Variants in KCNH7 observed in about 807,000 individuals in gnomAD.
KCNH7 encodes potassium voltage-gated channel subfamily H member 7.
Under a neutral mutation model 120.8 loss-of-function variants are expected in KCNH7, and 49 were observed. That is an observed-to-expected ratio of 0.41 (90% CI 0.32 to 0.51). KCNH7 has a LOEUF of 0.51. KCNH7 is among the 20% of genes least tolerant of loss of function. KCNH7 has a pLI of 0.38. For missense variants in KCNH7, 1,097 were observed against 1,446.6 expected, an observed-to-expected ratio of 0.76 and a Z score of 3.92; for synonymous variants, 547 against 516.1, an observed-to-expected ratio of 1.06 and a Z score of -0.81.
chr2:162,685,753 C>T (rs1166519591), intron 2 of KCNH7, among the ~76,000 whole-genome samples: 1 of 151,380 alleles, frequency 6.6e-6, no homozygotes, highest in African/African-American at 2.4e-5. Context: ...AGGGATACAT[C>T]TGAGAAGCTA....
At chr2:162,550,631 G>A (rs78043562) in intron 2 of KCNH7, among the ~76,000 whole-genome samples, 5 of 152,118 alleles carry the variant, frequency 3.3e-5, no homozygotes, top group East Asian at 3.9e-4. Context: ...ATTCATTTAA[G>A]TGTTTCTCTT....
At chr2:162,659,030 C>T (rs545418883) in intron 2 of KCNH7, among the ~76,000 whole-genome samples, 24 of 152,156 alleles carry the variant, frequency 1.6e-4, no homozygotes, top group Non-Finnish European at 3.2e-4. Context: ...TGAGGAGACA[C>T]CCTTGCCTTG....
At chr2:162,670,224 G>T (rs753143446) in intron 2 of KCNH7, among the ~76,000 whole-genome samples, 1 of 151,902 alleles carries the variant, frequency 6.6e-6, no homozygotes, top group African/African-American at 2.4e-5. Flanking sequence ...TGTAATTGCA[G>T]CACTTTGGGA....
Position 162,371,583 on chromosome 2 carries a change from A to G in KCNH7, c.*246T>C, listed in dbSNP as rs1685948756. On this transcript the variant is annotated 3_prime_UTR_variant, in exon 16 of 16. Transcript: ENST00000332142. ...AACATGCATGTGATTTAAAAAATAAAAATAAAAAATAAGGTGCCGTGAGAT... is the reference window on the plus strand; with the variant it reads ...AACATGCATGTGATTTAAAAAATAAGAATAAAAAATAAGGTGCCGTGAGAT... 3.4e-6 allele frequency: 3 copies of G among 870,794 alleles called. No homozygotes were observed. Among genetic ancestry groups the G allele is most frequent in the Non-Finnish European group, 1.6e-6 (1 of 628,828 alleles). The allele number at this position is 870,794 out of a possible 1,614,324, so 53.9% of individuals were successfully genotyped here. A position where few individuals can be genotyped will look rare whatever the true frequency, so the allele number is the denominator to read the frequency against.
At chr2:162,659,674 T>C (rs973051105) in intron 2 of KCNH7, among the ~76,000 whole-genome samples, 18 of 152,204 alleles carry the variant, frequency 1.2e-4, no homozygotes, top group Non-Finnish European at 2.2e-4. Flanking sequence ...TCATACATTG[T>C]TGAATTGAAT....
intron 3 of KCNH7, among the ~76,000 whole-genome samples, chr2:162,533,320 G>T (rs553118567): frequency 1.3e-5 from 2 of 151,660 alleles, no homozygotes; most frequent in Non-Finnish European, 2.9e-5. Context: ...CACATCAGTT[G>T]CGTCAATAAA....
At chr2:162,607,217 A>C (rs971385636) in intron 2 of KCNH7, among the ~76,000 whole-genome samples, 1 of 108,332 alleles carries the variant, frequency 9.2e-6, no homozygotes, top group African/African-American at 4.7e-5. Flanking sequence ...TCTACTAAAA[A>C]TACAAAAAAA....
chr2:162,688,410 T>C (rs575375855), intron 2 of KCNH7, among the ~76,000 whole-genome samples: 1 of 152,142 alleles, frequency 6.6e-6, no homozygotes, highest in East Asian at 1.9e-4. Flanking sequence ...AATTCTCTTG[T>C]GTCACTCCCA....
At chr2:162,796,052 C>T (rs1403461631) in intron 2 of KCNH7, 3 of 152,032 alleles carry the variant, frequency 2.0e-5, no homozygotes, top group Admixed American at 6.6e-5. Context: ...TTCTAGAATA[C>T]ATTTGTTTTA....
chr2:162,508,467 A>C (rs1159512), intron 5 of KCNH7, among the ~76,000 whole-genome samples: 112,230 of 151,140 alleles, frequency 0.74, 45,251 homozygotes, highest in Non-Finnish European at 0.92. Context: ...AATTTATTTC[A>C]TGCTGTATAA....
chr2:162,571,749 A>G (rs1234031598), intron 2 of KCNH7, among the ~76,000 whole-genome samples: 2 of 134,008 alleles, frequency 1.5e-5, no homozygotes, highest in African/African-American at 6.0e-5. Flanking sequence ...CCACTTATCT[A>G]CAACTATCTG....
intron 10 of KCNH7, 57 bp from the exon 11 acceptor site, chr2:162,397,002 C>A: frequency 8.4e-7 from 1 of 1,197,052 alleles, no homozygotes; most frequent in Non-Finnish European, 1.2e-6. Flanking sequence ...CAATGTTCTC[C>A]TTCTAAAAGT....
At chr2:162,726,279 AAGG>A (rs1308982084) in intron 2 of KCNH7, among the ~76,000 whole-genome samples, 1 of 152,180 alleles carries the variant, frequency 6.6e-6, no homozygotes, top group Non-Finnish European at 1.5e-5. Context: ...GATACCAAAT[AAGG>A]TAAGTGTTTA....
chr2:162,804,065 G>GC (rs1684444697), intron 2 of KCNH7, among the ~76,000 whole-genome samples: 1 of 151,780 alleles, frequency 6.6e-6, no homozygotes, highest in African/African-American at 2.4e-5. Flanking sequence ...TAGTTGATGA[G>GC]CAAAAACATT....
chr2:162,496,046 T>C (rs1445766942), intron 6 of KCNH7, among the ~76,000 whole-genome samples: 2 of 152,144 alleles, frequency 1.3e-5, no homozygotes, highest in Non-Finnish European at 2.9e-5. Context: ...TAAAAGGCCA[T>C]TAAACTTCAA....
intron 2 of KCNH7, among the ~76,000 whole-genome samples, chr2:162,543,064 T>C (rs1692365901): frequency 6.6e-6 from 1 of 152,108 alleles, no homozygotes. Flanking sequence ...TGGCCTTCAG[T>C]AGAATACTTG....
intron 2 of KCNH7, among the ~76,000 whole-genome samples, chr2:162,716,279 C>T (rs941254918): frequency 1.3e-5 from 2 of 152,102 alleles, no homozygotes; most frequent in Admixed American, 6.6e-5. Context: ...AAGAAAACCC[C>T]ACCTAAAAAT....
chr2:162,483,815 C>G (rs1461871360), intron 6 of KCNH7, among the ~76,000 whole-genome samples: 1 of 152,156 alleles, frequency 6.6e-6, no homozygotes, highest in East Asian at 1.9e-4. Context: ...AAACTCACTT[C>G]TGCTAGCAAC....
chr2:162,509,259 T>A (rs1395854386), intron 5 of KCNH7, among the ~76,000 whole-genome samples: 1 of 151,440 alleles, frequency 6.6e-6, no homozygotes, highest in Non-Finnish European at 1.5e-5. Context: ...GGAGAATATG[T>A]TTTTCTTTTA....
Sources: gnomAD v4.1 joint callset for allele counts (sites outside exome capture counted in the v4.1 genomes callset) on GRCh38, gnomAD v4.1.1 for gene constraint, MANE v1.5 for transcripts, NCBI Gene and HGNC (gene_info 2026-07-23, HGNC 2026-07-21) for gene names.